Variants in KIAA1549L observed in about 807,000 individuals in gnomAD.
KIAA1549L encodes the protein KIAA1549 like.
A neutral mutation model predicts 160.7 loss-of-function variants in KIAA1549L; 88 were observed. The ratio of observed to expected loss-of-function variants is 0.55; its 90% CI spans 0.46 to 0.65. The LOEUF (loss-of-function observed/expected upper bound fraction) is 0.65. Among genes scored for constraint, KIAA1549L ranks in the 30% least tolerant of loss-of-function variants. The pLI is 0.00. For missense variants in KIAA1549L, 2,258 were observed against 2,437.5 expected (o/e 0.93, Z 1.55); for synonymous variants, 950 against 976.7 (o/e 0.97, Z 0.51).
At chr11:33,628,311 C>A (rs1851177498) in intron 16 of KIAA1549L, among the ~76,000 whole-genome samples, 1 of 151,866 alleles carries the variant, frequency 6.6e-6, no homozygotes, top group Non-Finnish European at 1.5e-5. Flanking sequence ...CCGCTTGGTG[C>A]AGAGCTGAGT....
chr11:33,484,570 C>T (rs1379663115), intron 1 of KIAA1549L, among the ~76,000 whole-genome samples: 5 of 152,202 alleles, frequency 3.3e-5, no homozygotes, highest in Admixed American at 1.3e-4. Context: ...TGTGACCACT[C>T]ACCTCCCTAG....
At chr11:33,454,153 C>T (rs928841852) in intron 1 of KIAA1549L, among the ~76,000 whole-genome samples, 7 of 152,188 alleles carry the variant, frequency 4.6e-5, no homozygotes, top group African/African-American at 7.2e-5. Context: ...AAGAAGTAAG[C>T]GGAGGAGACT....
intron 11 of KIAA1549L, 112 bp downstream of exon 11, chr11:33,583,613 A>C: frequency 1.0e-6 from 1 of 968,552 alleles, no homozygotes; most frequent in African/African-American, 1.6e-5. Context: ...ACATCAGGGC[A>C]GGTCCTCATT....
chr11:33,452,356 C>T (rs1851737592), intron 1 of KIAA1549L, among the ~76,000 whole-genome samples: 1 of 152,194 alleles, frequency 6.6e-6, no homozygotes, highest in African/African-American at 2.4e-5. Flanking sequence ...ACCTGTAATC[C>T]TAGCACTTTG....
Position 33,542,289 on chromosome 11 carries a change from C to G in KIAA1549L, c.726C>G (p.Leu242=). ...KHPPRSDIPP[L]LPLPPSSSLA... is the part of the protein sequence containing the mutation. ...CCCCAAGGTCAGACATTCCCCCACT[C>G]CTCCCTCTACCTCCATCCTCTTCAT... The change falls in exon 2 of 21, where the codon CTC becomes CTG. Residue 242 remains leucine, a synonymous_variant. Coordinates refer to ENST00000658780, the MANE Select transcript of KIAA1549L (RefSeq NM_012194.3). 3 of 644,088 alleles carry G rather than the reference C, an allele frequency of 4.7e-6. No homozygotes were observed. Among genetic ancestry groups the G allele is most frequent in the Middle Eastern group, 5.7e-4 (2 of 3,528 alleles). The allele number at this position is 644,088 out of a possible 1,614,324, so 39.9% of individuals were successfully genotyped here.
intron 1 of KIAA1549L, among the ~76,000 whole-genome samples, chr11:33,461,443 T>A (rs1565146744): frequency 6.6e-6 from 1 of 152,172 alleles, no homozygotes; most frequent in African/African-American, 2.4e-5. Flanking sequence ...CTCTGAAGTT[T>A]GGTTCTCCCC....
At chr11:33,665,756 C>A (rs1590468329) in intron 20 of KIAA1549L, among the ~76,000 whole-genome samples, 1 of 152,062 alleles carries the variant, frequency 6.6e-6, no homozygotes, top group East Asian at 1.9e-4. Flanking sequence ...CCACCCCTTG[C>A]CATTCATGGC....
At chr11:33,597,851 A>G (rs1259208851) in intron 12 of KIAA1549L, among the ~76,000 whole-genome samples, 3 of 152,202 alleles carry the variant, frequency 2.0e-5, no homozygotes, top group Non-Finnish European at 4.4e-5. Context: ...TCCAGGACTG[A>G]TTCGCCACTT....
chr11:33,427,499 C>T (rs1260580797), intron 1 of KIAA1549L, among the ~76,000 whole-genome samples: 1 of 152,168 alleles, frequency 6.6e-6, no homozygotes, highest in African/African-American at 2.4e-5. Flanking sequence ...ATGCATCCCC[C>T]TTCGCTGCTA....
rs758732695 is a variant in KIAA1549L, at chr11:33,542,798, C to T, written c.1235C>T (p.Ala412Val). ...CCAACTTTTAAGAATACAGAAACAG[C>T]GACCCATGAGGCTGAGCCTCCACTT... ...SLPTFKNTETATHEAEPPLFQ... is the reference protein window; with the variant it reads ...SLPTFKNTETVTHEAEPPLFQ... Residue 412 changes from alanine (A) to valine (V), a missense_variant, in exon 2 of 21, where the codon GCG becomes GTG. By Grantham distance (64) the Ala-to-Val change is moderately conservative. Coordinates refer to ENST00000658780, the MANE Select transcript of KIAA1549L (RefSeq NM_012194.3). 1.7e-5 allele frequency: 27 copies of T among 1,613,598 alleles called. No homozygotes were observed. The highest frequency in any genetic ancestry group is 6.7e-5 in the East Asian group (3 of 44,872).
At chr11:33,663,536 A>G (rs765577683) in intron 20 of KIAA1549L, among the ~76,000 whole-genome samples, 69 of 152,160 alleles carry the variant, frequency 4.5e-4, no homozygotes, top group Admixed American at 4.6e-4. Context: ...TGTCCCAGCC[A>G]CCAGCACCAA....
intron 15 of KIAA1549L, among the ~76,000 whole-genome samples, 160 bp from the exon 16 acceptor site, chr11:33,618,373 T>G (rs1323922876): frequency 2.0e-5 from 3 of 152,214 alleles, no homozygotes; most frequent in Non-Finnish European, 4.4e-5. Context: ...TTTATTTCAC[T>G]CTTTCTACAG....
chr11:33,646,179 C>G, intron 17 of KIAA1549L, 143 bp downstream of exon 17: 1 of 664,130 alleles, frequency 1.5e-6, no homozygotes, highest in Non-Finnish European at 2.6e-6. Context: ...TCCCATCATC[C>G]CATCTTCCAC....
At chr11:33,544,611 G>A (rs1176865673) in intron 2 of KIAA1549L, among the ~76,000 whole-genome samples, 156 bp from the exon 3 acceptor site, 4 of 152,166 alleles carry the variant, frequency 2.6e-5, no homozygotes, top group Non-Finnish European at 5.9e-5. Flanking sequence ...TCAAGTTTAT[G>A]AGCCTAGAGT....
rs111807872 is a variant in KIAA1549L at position 33,618,791 on chromosome 11, A to G, written c.5409+129A>G. ...TTTAAAAAGCACTAAAATGTTTTCTATTTTTTTATTACCTATTTTGCAAAG... is the reference window on the plus strand; with the variant it reads ...TTTAAAAAGCACTAAAATGTTTTCTGTTTTTTTATTACCTATTTTGCAAAG... On this transcript the variant is annotated intron_variant, in intron 16 of 20. Coordinates refer to ENST00000658780, the MANE Select transcript of KIAA1549L (RefSeq NM_012194.3). 2.4e-5 allele frequency: 22 copies of G among 920,304 alleles called. 1 individual carries two copies. The highest frequency in any genetic ancestry group is 7.2e-4 in the Middle Eastern group (2 of 2,770). The allele number at this position is 920,304 out of a possible 1,614,324, so 57.0% of individuals were successfully genotyped here. A position where few individuals can be genotyped will look rare whatever the true frequency, so the allele number is the denominator to read the frequency against.
chr11:33,669,609 A>G lies in KIAA1549L; in HGVS notation c.*1455A>G, dbSNP rs561900034. 1 of 152,362 alleles carries G rather than the reference A, an allele frequency of 6.6e-6. No individual in the cohort carries two copies. The highest frequency in any genetic ancestry group is 2.1e-4 in the South Asian group (1 of 4,830). 9.4% of individuals were successfully genotyped at this position (152,362 alleles called of 1,614,324 possible). On this transcript the variant is annotated 3_prime_UTR_variant, in exon 21 of 21. Transcript: ENST00000658780. ...GCTGTATCCATTTTCTTCTGAGCCC[A>G]TCTTCCATTGTCCTCAACGAGTTTC...
intron 1 of KIAA1549L, among the ~76,000 whole-genome samples, chr11:33,444,591 G>A (rs1388943216): frequency 1.3e-5 from 2 of 152,242 alleles, no homozygotes; most frequent in Non-Finnish European, 2.9e-5. Flanking sequence ...GTTTTGCCAT[G>A]TGGATGTATT....
At chr11:33,634,692 T>C (rs1451661897) in intron 16 of KIAA1549L, among the ~76,000 whole-genome samples, 1 of 152,200 alleles carries the variant, frequency 6.6e-6, no homozygotes, top group Non-Finnish European at 1.5e-5. Context: ...TTGGAGCACC[T>C]TCTTTTATCC....
rs1020748603 is a variant in KIAA1549L at position 33,658,839 on chromosome 11, A to G, written c.5948A>G (p.Gln1983Arg). The change falls in exon 19 of 21, where the codon CAG (glutamine) becomes CGG (arginine). Residue 1983 changes from glutamine to arginine, a missense_variant. By Grantham distance (43) the Gln-to-Arg change is conservative. This residue lies in a region of KIAA1549L where 1,359 missense variants were observed against 1,546.6 expected (regional missense o/e 0.88). Transcript: ENST00000658780. ...CTGCACGACAGCGCCTCCTTCACGC[A>G]GATGTCCAGAGGCCCTGTGTCCGTG... ...AQLHDSASFT[Q>R]MSRGPVSVTQ... 2.6e-6 allele frequency: 4 copies of G among 1,563,330 alleles called. No individual in the cohort carries two copies. Among genetic ancestry groups the G allele is most frequent in the Middle Eastern group, 1.7e-4 (1 of 6,026 alleles).
Sources: allele counts gnomAD v4.1 joint callset (sites outside exome capture counted in the v4.1 genomes callset), GRCh38; gene constraint gnomAD v4.1.1; regional missense constraint gnomAD v4.1.1; transcripts MANE v1.5; gene names NCBI Gene and HGNC (gene_info 2026-07-23, HGNC 2026-07-21).